The following ARNT2 variants were observed in gnomAD, a reference collection of about 807,000 sequenced individuals.
The protein encoded by ARNT2 is aryl hydrocarbon receptor nuclear translocator 2, also known as ARNT protein 2.
In ARNT2, 36 loss-of-function variants were observed where a neutral mutation model predicts 91.7. That is an observed-to-expected ratio of 0.39 (90% CI 0.30 to 0.52). The LOEUF (loss-of-function observed/expected upper bound fraction) is 0.52, where lower values mean the gene tolerates loss of function less well. Ranked by LOEUF, ARNT2 falls within the 20% of genes least tolerant of loss-of-function variation. ARNT2 has a pLI of 0.72. For missense variants in ARNT2, 775 were observed against 939.3 expected, an observed-to-expected ratio of 0.83 and a Z score of 2.29; for synonymous variants, 365 against 347.1, an observed-to-expected ratio of 1.05 and a Z score of -0.57.
intron 5 of ARNT2, among the ~76,000 whole-genome samples, chr15:80,482,891 A>T (rs1896910871): frequency 6.6e-6 from 1 of 152,322 alleles, no homozygotes; most frequent in Non-Finnish European, 1.5e-5. Context: ...TTAAAGTTTG[A>T]GAACAACTGA....
intron 5 of ARNT2, among the ~76,000 whole-genome samples, chr15:80,479,041 C>A (rs1313089900): frequency 6.6e-6 from 1 of 152,146 alleles, no homozygotes; most frequent in East Asian, 1.9e-4. Flanking sequence ...GGCAGCCTGA[C>A]CTCCTTTCCC....
chr15:80,585,820 G>C (rs1323857362), intron 17 of ARNT2, among the ~76,000 whole-genome samples: 1 of 152,194 alleles, frequency 6.6e-6, no homozygotes, highest in African/African-American at 2.4e-5. Flanking sequence ...TGCACACTGC[G>C]TTAGACACAC....
At chr15:80,476,325 C>T (rs958535140) in intron 5 of ARNT2, among the ~76,000 whole-genome samples, 20 of 152,150 alleles carry the variant, frequency 1.3e-4, no homozygotes, top group African/African-American at 4.1e-4. Flanking sequence ...TGTGTATTTC[C>T]GTGTGGCCCG....
At chr15:80,435,192 C>T (rs1254939550) in intron 1 of ARNT2, among the ~76,000 whole-genome samples, 1 of 152,198 alleles carries the variant, frequency 6.6e-6, no homozygotes, top group African/African-American at 2.4e-5. Flanking sequence ...TCTGCCTGCC[C>T]TCGTCCTTTT....
At chr15:80,490,845 C>A (rs896086762) in intron 5 of ARNT2, among the ~76,000 whole-genome samples, 1 of 152,200 alleles carries the variant, frequency 6.6e-6, no homozygotes. Flanking sequence ...TGGAGCTTTA[C>A]CCCAGGAAAT....
intron 1 of ARNT2, among the ~76,000 whole-genome samples, chr15:80,419,896 G>A (rs953750190): frequency 1.3e-5 from 2 of 152,174 alleles, no homozygotes; most frequent in Admixed American, 6.5e-5. Context: ...GCAGTGTAAG[G>A]CTCTCACCAG....
At chr15:80,559,404 A>G (rs558852006) in intron 11 of ARNT2, among the ~76,000 whole-genome samples, 57 of 152,260 alleles carry the variant, frequency 3.7e-4, no homozygotes, top group African/African-American at 1.3e-3. Context: ...CCTGGAGCAC[A>G]CCGCACCTCG....
chr15:80,470,168 C>G, intron 3 of ARNT2, 50 bp from the exon 4 acceptor site: 17 of 1,480,708 alleles, frequency 1.1e-5, no homozygotes, highest in Non-Finnish European at 1.4e-5. Flanking sequence ...AATCCCTAAT[C>G]TGATACTTCT....
chr15:80,455,980 G>A (rs968883891), intron 2 of ARNT2, among the ~76,000 whole-genome samples: 7 of 152,150 alleles, frequency 4.6e-5, no homozygotes, highest in African/African-American at 1.2e-4. Context: ...CTTCCCCATG[G>A]TGAACACTAG....
rs1274104882 is a variant in ARNT2, at chr15:80,591,795, C to T, written c.2055+91C>T. 36 of 1,560,246 alleles carry T rather than the reference C, an allele frequency of 2.3e-5. No homozygotes were observed. Among genetic ancestry groups the T allele is most frequent in the Non-Finnish European group, 2.8e-5 (32 of 1,149,914 alleles). ...GGTCTCTGCCGCACCACCGCCTGCC[C>T]GATAGCCGTCGTGAGTTCTGGCCCA... On this transcript the variant is annotated intron_variant, in intron 18 of 18. Transcript: ENST00000303329. The surrounding 1 kb of genome is among the most constrained non-coding windows in gnomAD (Gnocchi z 5.1).
intron 17 of ARNT2, among the ~76,000 whole-genome samples, chr15:80,590,799 GT>G (rs139834918): frequency 6.6e-6 from 1 of 152,170 alleles, no homozygotes; most frequent in East Asian, 1.9e-4. Context: ...TCCATTGGCT[GT>G]TTTTTTGTAT....
At chr15:80,464,916 C>T (rs1231202304) in intron 3 of ARNT2, among the ~76,000 whole-genome samples, 1 of 152,146 alleles carries the variant, frequency 6.6e-6, no homozygotes, top group East Asian at 1.9e-4. Context: ...TGTGTAGACC[C>T]CCACGCAGCC....
At position 80,479,926 on chromosome 15, in the gene ARNT2, G is replaced by T. The variant is rs918667022; in HGVS notation, c.622+4703G>T. Among the ~76,000 whole-genome samples the T allele has an allele frequency of 2.6e-5, 4 of 151,670 alleles. No homozygotes were observed. In the East Asian group the frequency reaches 7.8e-4, roughly 29 times the overall value. On this transcript the variant is annotated intron_variant, in intron 5 of 18. Coordinates refer to ENST00000303329, the MANE Select transcript of ARNT2 (RefSeq NM_014862.4). ...GATTCCCTCTTGGAGGAAATCAGGT[G>T]CTGTCTGTCACTAAAAGAAAGAAGA... is the stretch of plus-strand genomic sequence containing the variant.
chr15:80,414,687 G>C lies in ARNT2; in HGVS notation c.31+10141G>C, dbSNP rs79365270. On this transcript the variant is annotated intron_variant, in intron 1 of 18. Transcript: ENST00000303329. ...AGTCTGGAATCGTTTGCCATAATTTGATATGCTTGATGGATTCCAAGTCCC... is the reference window on the plus strand; with the variant it reads ...AGTCTGGAATCGTTTGCCATAATTTCATATGCTTGATGGATTCCAAGTCCC... Among the ~76,000 whole-genome samples the C allele has an allele frequency of 5.8e-3, 888 of 152,132 alleles. 47 individuals are homozygous for C. In the East Asian group the frequency reaches 0.13, roughly 22 times the overall value.
At chr15:80,460,346 A>G (rs1896534092) in intron 3 of ARNT2, among the ~76,000 whole-genome samples, 1 of 152,304 alleles carries the variant, frequency 6.6e-6, no homozygotes, top group Non-Finnish European at 1.5e-5. Context: ...GGAATTTGAT[A>G]TGGTTCCTAC....
At chr15:80,505,219 C>A (rs149868724) in intron 5 of ARNT2, among the ~76,000 whole-genome samples, 1 of 152,116 alleles carries the variant, frequency 6.6e-6, no homozygotes, top group Non-Finnish European at 1.5e-5. Context: ...GAGTGACTGG[C>A]GTCACATAAA....
intron 3 of ARNT2, among the ~76,000 whole-genome samples, chr15:80,463,735 C>T (rs1173590400): frequency 1.3e-5 from 2 of 152,016 alleles, no homozygotes; most frequent in East Asian, 1.9e-4. Flanking sequence ...TGCACCACCG[C>T]GCCCGGCTAA....
rs1895724037 is a variant in ARNT2, at chr15:80,413,750, C to G, written c.31+9204C>G. ...AGTTGGCCTGAGTGGAAACCCAGCT[C>G]TTCGGGTAGAGCCAGGCCTTCCAAG... On this transcript the variant is annotated intron_variant, in intron 1 of 18. Transcript: ENST00000303329. 2.0e-5 allele frequency among the ~76,000 whole-genome samples: 3 copies of G among 152,210 alleles called. No individual in the cohort carries two copies. The South Asian group carries it at 6.2e-4, about 31-fold the overall frequency.
chr15:80,587,602 T>G (rs1480807374), intron 17 of ARNT2, among the ~76,000 whole-genome samples: 3 of 152,188 alleles, frequency 2.0e-5, no homozygotes, highest in Non-Finnish European at 1.5e-5. Context: ...AAGGAGGATG[T>G]CATCCCTGCC....
Sources: gnomAD v4.1 joint callset for allele counts (sites outside exome capture counted in the v4.1 genomes callset) on GRCh38, gnomAD v4.1.1 for gene constraint, Gnocchi (gnomAD v3.1) non-coding constraint, MANE v1.5 for transcripts, NCBI Gene and HGNC (gene_info 2026-07-23, HGNC 2026-07-21) for gene names.